The following NOX4 variants were observed in gnomAD, a reference collection of about 807,000 sequenced individuals.
NOX4 encodes kidney oxidase-1.
A neutral mutation model predicts 87.6 loss-of-function variants in NOX4; 69 were observed. The observed-to-expected ratio is 0.79, with a 90% CI of 0.65 to 0.96. The LOEUF (loss-of-function observed/expected upper bound fraction) is 0.96, where lower values mean the gene tolerates loss of function less well. NOX4 is among the 40% of genes least tolerant of loss of function. The probability of loss-of-function intolerance (pLI) is 0.00; values close to 1 mark genes in which losing one functional copy is unlikely to be tolerated. For missense variants in NOX4, 680 were observed against 681.5 expected, an observed-to-expected ratio of 1.00 and a Z score of 0.02; for synonymous variants, 275 against 238.2, an observed-to-expected ratio of 1.15 and a Z score of -1.42.
At chr11:89,394,581 C>T (rs776559688) in intron 11 of NOX4, among the ~76,000 whole-genome samples, 2 of 152,096 alleles carry the variant, frequency 1.3e-5, no homozygotes, top group Non-Finnish European at 2.9e-5. Context: ...TATACATGTG[C>T]CACGTTGGTT....
At chr11:89,368,401 A>G (rs1939178487) in intron 12 of NOX4, among the ~76,000 whole-genome samples, 1 of 152,110 alleles carries the variant, frequency 6.6e-6, no homozygotes, top group Admixed American at 6.6e-5. Context: ...AAATTTATTT[A>G]TCACAGTTCT....
chr11:89,477,461 C>T (rs1408473488), intron 2 of NOX4, among the ~76,000 whole-genome samples: 5 of 152,148 alleles, frequency 3.3e-5, no homozygotes, highest in East Asian at 1.9e-4. Context: ...CTGTGTGGCC[C>T]GGTTCCTAAC....
intron 12 of NOX4, among the ~76,000 whole-genome samples, chr11:89,362,547 T>C (rs1302349079): frequency 6.6e-6 from 1 of 152,086 alleles, no homozygotes; most frequent in Non-Finnish European, 1.5e-5. Flanking sequence ...CTTGTTTGAA[T>C]TTTTAATCTT....
chr11:89,540,275 C>T, the NOX4 span, among the ~76,000 whole-genome samples: 3 of 152,004 alleles, frequency 2.0e-5, no homozygotes, highest in African/African-American at 7.3e-5. Flanking sequence ...GGTTTTGTTC[C>T]CTGGGAATGA....
chr11:89,513,912 TG>T, the NOX4 span, among the ~76,000 whole-genome samples: 2 of 152,034 alleles, frequency 1.3e-5, no homozygotes, highest in Non-Finnish European at 2.9e-5. Flanking sequence ...TTACAATTTA[TG>T]TTTAATAAGC....
chr11:89,337,818 C>T (rs1290512524), intron 15 of NOX4, among the ~76,000 whole-genome samples: 2 of 152,000 alleles, frequency 1.3e-5, no homozygotes, highest in African/African-American at 4.8e-5. Flanking sequence ...ATTAGTCCTT[C>T]TGAAATACTC....
At chr11:89,463,748 G>A (rs925357222) in intron 2 of NOX4, among the ~76,000 whole-genome samples, 8 of 149,380 alleles carry the variant, frequency 5.4e-5, no homozygotes, top group African/African-American at 1.8e-4. Context: ...GAACACCTTA[G>A]GGATACAGTT....
intron 2 of NOX4, among the ~76,000 whole-genome samples, chr11:89,472,248 A>G (rs1448880122): frequency 6.6e-6 from 1 of 152,054 alleles, no homozygotes; most frequent in Admixed American, 6.6e-5. Flanking sequence ...GCCATAATAA[A>G]CCATAATTCA....
At chr11:89,484,769 C>T (rs1327771039) in intron 2 of NOX4, among the ~76,000 whole-genome samples, 2 of 151,980 alleles carry the variant, frequency 1.3e-5, no homozygotes, top group African/African-American at 4.8e-5. Flanking sequence ...TTTCACCCAT[C>T]AATAAACAAG....
the NOX4 span, among the ~76,000 whole-genome samples, chr11:89,535,380 G>A: frequency 2.6e-5 from 4 of 152,322 alleles, no homozygotes; most frequent in Non-Finnish European, 5.9e-5. Context: ...ACACGTAAAC[G>A]TGTTCCCTAT....
intron 2 of NOX4, among the ~76,000 whole-genome samples, chr11:89,467,223 C>T (rs572048296): frequency 0.02 from 3,021 of 150,554 alleles, 99 homozygotes; most frequent in African/African-American, 0.07. Context: ...TAGTGGCGGG[C>T]GCCTGTAGTC....
chr11:89,438,525 T>G (rs1157995079), intron 6 of NOX4, among the ~76,000 whole-genome samples: 1 of 90,010 alleles, frequency 1.1e-5, no homozygotes, highest in Non-Finnish European at 1.8e-5. Flanking sequence ...CTATATATAC[T>G]ATATATTACA....
At chr11:89,335,984 T>G (rs765601312) in intron 16 of NOX4, 39 bp from the exon 17 acceptor site, 1 of 1,257,916 alleles carries the variant, frequency 7.9e-7, no homozygotes, top group Admixed American at 2.0e-5. Context: ...GATATTTAGT[T>G]AAGTAAACCA....
At chr11:89,541,340 T>C in the NOX4 span, among the ~76,000 whole-genome samples, 1 of 152,150 alleles carries the variant, frequency 6.6e-6, no homozygotes, top group African/African-American at 2.4e-5. Flanking sequence ...AGAGTTTTTT[T>C]CCCCAGCCTC....
At chr11:89,330,670 A>G (rs1381412117) in intron 17 of NOX4, among the ~76,000 whole-genome samples, 2 of 151,822 alleles carry the variant, frequency 1.3e-5, no homozygotes, top group African/African-American at 4.8e-5. Context: ...ACATTAGAGA[A>G]AAAAGTGGAA....
the NOX4 span, among the ~76,000 whole-genome samples, chr11:89,520,764 C>A: frequency 6.6e-6 from 1 of 152,120 alleles, no homozygotes. Flanking sequence ...TCTCTCTTCA[C>A]TGATGATATG....
chr11:89,340,938 TCA>T (rs1363983409), intron 14 of NOX4, among the ~76,000 whole-genome samples: 1 of 152,004 alleles, frequency 6.6e-6, no homozygotes, highest in Non-Finnish European at 1.5e-5. Context: ...TTCAAACACA[TCA>T]CTTAAATTTA....
intron 12 of NOX4, among the ~76,000 whole-genome samples, chr11:89,369,016 T>C (rs4127487): frequency 0.3 from 45,992 of 151,966 alleles, 7,143 homozygotes; most frequent in East Asian, 0.49. Context: ...TTAAAATAAC[T>C]CATTTATGGA....
chr11:89,508,300 A>G, the NOX4 span, among the ~76,000 whole-genome samples: 1 of 152,082 alleles, frequency 6.6e-6, no homozygotes, highest in Non-Finnish European at 1.5e-5. Flanking sequence ...AATGAGCGCC[A>G]GCTCTCTGAC....
Sources: allele counts gnomAD v4.1 joint callset (sites outside exome capture counted in the v4.1 genomes callset), GRCh38; gene constraint gnomAD v4.1.1; transcripts MANE v1.5; gene names NCBI Gene and HGNC (gene_info 2026-07-23, HGNC 2026-07-21).